SREBF1: variants seen among roughly 807,000 people sequenced by gnomAD.
SREBF1 encodes the protein sterol regulatory element binding transcription factor 1, also known as sterol regulatory element-binding protein 1.
A neutral mutation model predicts 100.1 loss-of-function variants in SREBF1; 45 were observed. The ratio of observed to expected loss-of-function variants is 0.45; its 90% confidence interval spans 0.35 to 0.58. The LOEUF (loss-of-function observed/expected upper bound fraction) is 0.58, where lower values mean the gene tolerates loss of function less well. SREBF1 is among the 20% of genes least tolerant of loss of function. The pLI, the probability that SREBF1 is intolerant of heterozygous loss-of-function variation, is 0.00. For synonymous variants in SREBF1, 657 were observed against 681.8 expected, an observed-to-expected ratio of 0.96 and a Z score of 0.57; for missense variants, 1,324 against 1,539.4, an observed-to-expected ratio of 0.86 and a Z score of 2.34.
In SREBF1 at chr17:17,818,000, A is replaced by C; in HGVS notation, c.1184-84T>G. ...AGCCTAGGCCCTTGGAGGCCTAGGG[A>C]CTACTGTAGCTCCTAAAGCTAGCCC... On this transcript the variant is annotated intron_variant, in intron 6 of 18. Coordinates refer to ENST00000261646, the MANE Select transcript of SREBF1 (RefSeq NM_004176.5). This position sits in a 1 kb window ranked among gnomAD's most constrained non-coding sequence, Gnocchi z 6.6. The C allele has an allele frequency of 7.2e-7, 1 of 1,385,168 alleles. No individual in the cohort carries two copies. The highest frequency in any genetic ancestry group is 1.0e-6 in the Non-Finnish European group (1 of 985,730). 85.8% of individuals were successfully genotyped at this position (1,385,168 alleles called of 1,614,324 possible). A position where few individuals can be genotyped will look rare whatever the true frequency, so the allele number is the denominator to read the frequency against.
At position 17,817,014 on chromosome 17, in the gene SREBF1, C is replaced by T. The variant is rs181465552; in HGVS notation, c.1729G>A (p.Gly577Ser). ...YGEPVTRPHSGPAVYFWRHRK... is the reference protein window; with the variant it reads ...YGEPVTRPHSSPAVYFWRHRK... ...TGCCTCCAGAAGTACACGGCGGGGC[C>T]TGAGTGGGGCCGTGTGACTGGCTCA... Residue 577 changes from glycine to serine, a missense_variant, in exon 9 of 19, where the codon GGC (glycine) becomes AGC (serine). By Grantham distance (56) the Gly-to-Ser change is moderately conservative. Coordinates refer to ENST00000261646, the MANE Select transcript of SREBF1 (RefSeq NM_004176.5). The surrounding 1 kb of genome is among the most constrained non-coding windows in gnomAD (Gnocchi z 6.6). 1 of 1,613,128 alleles carries T rather than the reference C, an allele frequency of 6.2e-7. No individual in the cohort carries two copies. The highest frequency in any genetic ancestry group is 2.2e-5 in the East Asian group (1 of 44,880).
intron 16 of SREBF1, 67 bp downstream of exon 16, chr17:17,814,178 G>A: frequency 6.6e-7 from 1 of 1,525,838 alleles, no homozygotes; most frequent in Non-Finnish European, 8.9e-7. Context: ...TGGGGGCTGG[G>A]GAGAGGAACC....
At chr17:17,814,173 G>A in intron 16 of SREBF1, 72 bp downstream of exon 16, 1 of 1,506,840 alleles carries the variant, frequency 6.6e-7, no homozygotes, top group Non-Finnish European at 9.0e-7. Flanking sequence ...GCCCCTGGGG[G>A]CTGGGGAGAG....
chr17:17,814,994 A>T (rs2033401586), intron 13 of SREBF1, 50 bp from the exon 14 acceptor site: 5 of 1,510,402 alleles, frequency 3.3e-6, no homozygotes, highest in South Asian at 1.2e-5. Context: ...GGGTCCTAGG[A>T]GGGTGCTCCC....
At position 17,835,958 on chromosome 17, in the gene SREBF1, T is replaced by C. The variant is rs1298445972; in HGVS notation, c.91+769A>G. Among the ~76,000 whole-genome samples, 3 of 152,222 alleles carry C rather than the reference T, an allele frequency of 2.0e-5. No individual in the cohort carries two copies. In the East Asian group the frequency reaches 5.8e-4, roughly 29 times the overall value. The stretch of plus-strand genomic sequence containing the variant: ...CCTTGCCGTGGCCTGGAAAACATCT[T>C]TCCTTGCTGGTCCTGGGGGTGACCC... On this transcript the variant is annotated intron_variant, in intron 1 of 18. Transcript: ENST00000261646.
intron 4 of SREBF1, 42 bp from the exon 5 acceptor site, chr17:17,819,276 T>C: frequency 6.2e-7 from 1 of 1,613,654 alleles, no homozygotes; most frequent in Non-Finnish European, 8.5e-7. Context: ...CATGTGTGTG[T>C]GTGTGTAGAC....
At chr17:17,830,902 C>G (rs934753017) in intron 1 of SREBF1, among the ~76,000 whole-genome samples, 1 of 152,340 alleles carries the variant, frequency 6.6e-6, no homozygotes, top group Non-Finnish European at 1.5e-5. Context: ...CCACATGGCC[C>G]GTGGCTGCTA....
At chr17:17,814,537 G>T in intron 15 of SREBF1, 78 bp downstream of exon 15, 10 of 1,535,376 alleles carry the variant, frequency 6.5e-6, no homozygotes, top group Non-Finnish European at 8.7e-6. Flanking sequence ...CAGAACAAAG[G>T]CTGAGTGAGG....
chr17:17,834,112 G>C (rs528927159), intron 1 of SREBF1, among the ~76,000 whole-genome samples: 7 of 151,794 alleles, frequency 4.6e-5, no homozygotes, highest in African/African-American at 1.7e-4. Flanking sequence ...AGTTTTTTTT[G>C]AAACAGAATC....
In SREBF1 at chr17:17,816,239, T is replaced by C; in HGVS notation, c.2182A>G (p.Thr728Ala). ...IYVAAALRVK[T>A]SLPRALHFLT... ...AAATGCAAGGCCCGTGGGAGACTGG[T>C]CTTCACTCTCAATGCAGCCGCCACA... is the stretch of plus-strand genomic sequence containing the variant. Residue 728 changes from threonine to alanine, a missense_variant, in exon 11 of 19, where the codon ACC (threonine) becomes GCC (alanine). Thr to Ala is a moderately conservative substitution (Grantham distance 58, BLOSUM62 0). Transcript: ENST00000261646. The C allele has an allele frequency of 9.4e-7, 1 of 1,060,740 alleles. No homozygotes were observed. Among genetic ancestry groups the C allele is most frequent in the Non-Finnish European group, 1.1e-6 (1 of 869,954 alleles). 65.7% of individuals were successfully genotyped at this position (1,060,740 alleles called of 1,614,324 possible).
Position 17,818,394 on chromosome 17 carries a change from GGGGGA to G in SREBF1, c.1069-25_1069-21del. On this transcript the variant is annotated intron_variant, in intron 5 of 18. Coordinates refer to ENST00000261646, the MANE Select transcript of SREBF1 (RefSeq NM_004176.5). ...ATTCAGCTGCACGGTGTGGGAGGGA[GGGGGA>G]GCGCACAGGTGGCCTGTCAGGTCGG... 1 of 1,598,388 alleles carries G rather than the reference GGGGGA, an allele frequency of 6.3e-7. No homozygotes were observed. Among genetic ancestry groups the G allele is most frequent in the Non-Finnish European group, 8.6e-7 (1 of 1,167,228 alleles).
rs1446270758 is a variant in SREBF1, at chr17:17,814,267, G to A, written c.2879C>T (p.Pro960Leu). Residue 960 changes from proline (P) to leucine (L), a missense_variant, in exon 16 of 19, where the codon CCA (proline) becomes CTA (leucine). Transcript: ENST00000261646. ...CACCTTGTCAATGGAGCTGCTGGCT[G>A]GTGTGGTAGCCAGGCTGTCCTGCAG... ...GYLQDSLATT[P>L]ASSSIDKAVQ... 1 of 1,605,636 alleles carries A rather than the reference G, an allele frequency of 6.2e-7. No homozygotes were observed. The highest frequency in any genetic ancestry group is 1.3e-5 in the African/African-American group (1 of 74,872).
chr17:17,827,430 C>T (rs909003440), intron 1 of SREBF1, among the ~76,000 whole-genome samples: 1 of 152,194 alleles, frequency 6.6e-6, no homozygotes, highest in Non-Finnish European at 1.5e-5. Flanking sequence ...GATGGGTGCC[C>T]ACCATCCCTC....
rs764109614 is a variant in SREBF1 at position 17,820,103 on chromosome 17, T to A, written c.510A>T (p.Gly170=). 2.2e-5 allele frequency: 35 copies of A among 1,611,624 alleles called. No homozygotes were observed. The highest frequency in any genetic ancestry group is 1.9e-4 in the Middle Eastern group (1 of 5,294). The change falls in exon 2 of 19, where the codon GGA becomes GGT. Residue 170 remains glycine (G), a synonymous_variant. Transcript: ENST00000261646. ...TPVLGYPSPP[G]GFSTGSPPGN... is the part of the protein sequence containing the mutation. ...CATCCCCCTTACCTGTAGAGAAGCC[T>A]CCCGGAGGGCTGGGGTAGCCTAACA...
At chr17:17,832,118 T>C (rs771921515) in intron 1 of SREBF1, among the ~76,000 whole-genome samples, 2 of 152,176 alleles carry the variant, frequency 1.3e-5, no homozygotes, top group Non-Finnish European at 2.9e-5. Flanking sequence ...GCTTAAGAGC[T>C]AGGCTCTGGA....
intron 1 of SREBF1, among the ~76,000 whole-genome samples, chr17:17,831,935 C>T: frequency 6.6e-6 from 1 of 152,170 alleles, no homozygotes; most frequent in East Asian, 1.9e-4. Context: ...TTGGCTGGCT[C>T]ACCAGGGCTG....
In SREBF1 at chr17:17,819,329, C is replaced by A. The variant is rs763808864; in HGVS notation, c.837G>T (p.Gly279=). The A allele has an allele frequency of 6.2e-7, 1 of 1,613,818 alleles. No homozygotes were observed. The highest frequency in any genetic ancestry group is 8.5e-7 in the Non-Finnish European group (1 of 1,180,046). ...TGCCCACGTCACCCACCGGCAAAGG[C>A]CCTGTCTGCACAGTGGTGCCAGAGA... The part of the protein sequence containing the change: ...PLVSGTTVQT[G]PLPTLVSGGT... Residue 279 remains glycine, a synonymous_variant, in exon 4 of 19, where the codon GGG becomes GGT. Coordinates refer to ENST00000261646, the MANE Select transcript of SREBF1 (RefSeq NM_004176.5).
Position 17,812,813 on chromosome 17 carries a change from C to G in SREBF1, c.3253G>C (p.Glu1085Gln). 1 of 1,491,690 alleles carries G rather than the reference C, an allele frequency of 6.7e-7. No individual in the cohort carries two copies. Among genetic ancestry groups the G allele is most frequent in the Non-Finnish European group, 8.9e-7 (1 of 1,126,082 alleles). 92.4% of individuals were successfully genotyped at this position (1,491,690 alleles called of 1,614,324 possible). Residue 1085 changes from glutamate (E) to glutamine (Q), a missense_variant, in exon 19 of 19, where the codon GAG becomes CAG. Physicochemically the swap from Glu to Gln is conservative, Grantham distance 29 (BLOSUM62 2). Coordinates refer to ENST00000261646, the MANE Select transcript of SREBF1 (RefSeq NM_004176.5). ...GCCAGCAGCAAGGCCTCCGCGTGCTCCCGCCGCGTGGGCCGCGGCTCCAGC... is the reference window on the plus strand; with the variant it reads ...GCCAGCAGCAAGGCCTCCGCGTGCTGCCGCCGCGTGGGCCGCGGCTCCAGC... ...AELEPRPTRREHAEALLLASC... is the reference protein window; with the variant it reads ...AELEPRPTRRQHAEALLLASC...
chr17:17,822,076 T>A (rs2064987909), intron 1 of SREBF1, among the ~76,000 whole-genome samples: 1 of 152,206 alleles, frequency 6.6e-6, no homozygotes, highest in Non-Finnish European at 1.5e-5. Flanking sequence ...CACTGGCCAC[T>A]ACCCTAGACT....
Sources: gnomAD v4.1 joint callset for allele counts (sites outside exome capture counted in the v4.1 genomes callset) on GRCh38, gnomAD v4.1.1 for gene constraint, Gnocchi (gnomAD v3.1) non-coding constraint, MANE v1.5 for transcripts, NCBI Gene and HGNC (gene_info 2026-07-23, HGNC 2026-07-21) for gene names.